LINGO2: variants seen among roughly 807,000 people sequenced by gnomAD.
LINGO2 encodes the protein leucine rich repeat and Ig domain containing 2.
Under a neutral mutation model 30.6 loss-of-function variants are expected in LINGO2, and 14 were observed. That is an observed-to-expected ratio of 0.46 (90% CI 0.30 to 0.72). LINGO2 has a LOEUF of 0.72. Among genes scored for constraint, LINGO2 ranks in the 30% least tolerant of loss-of-function variants. The pLI, the probability that LINGO2 is intolerant of heterozygous loss-of-function variation, is 0.07. For missense variants in LINGO2, 729 were observed against 751.7 expected, an observed-to-expected ratio of 0.97 and a Z score of 0.35; for synonymous variants, 317 against 288.5, an observed-to-expected ratio of 1.10 and a Z score of -1.00.
the LINGO2 span, among the ~76,000 whole-genome samples, chr9:28,816,581 A>G: frequency 6.6e-6 from 1 of 152,204 alleles, no homozygotes; most frequent in Non-Finnish European, 1.5e-5. Context: ...GAACAACTAT[A>G]ATAACCATCT....
At chr9:29,134,335 A>T in the LINGO2 span, among the ~76,000 whole-genome samples, 2 of 152,190 alleles carry the variant, frequency 1.3e-5, no homozygotes, top group East Asian at 3.8e-4. Flanking sequence ...CTCACACATT[A>T]TAATTACTTG....
At chr9:28,729,953 C>G in the LINGO2 span, among the ~76,000 whole-genome samples, 1 of 151,750 alleles carries the variant, frequency 6.6e-6, no homozygotes, top group African/African-American at 2.4e-5. Context: ...TGAAGGGAAA[C>G]AGGGTCACAT....
At chr9:28,801,428 G>T in the LINGO2 span, among the ~76,000 whole-genome samples, 1 of 152,062 alleles carries the variant, frequency 6.6e-6, no homozygotes, top group Non-Finnish European at 1.5e-5. Context: ...TAATTTTAAA[G>T]ATTCTGTTCC....
intron 4 of LINGO2, among the ~76,000 whole-genome samples, chr9:28,183,732 T>A (rs1182008424): frequency 6.6e-6 from 1 of 152,180 alleles, no homozygotes; most frequent in Non-Finnish European, 1.5e-5. Flanking sequence ...CTGAAAGGAA[T>A]TATACAGGCT....
At chr9:28,077,609 A>G (rs1356426597) in intron 4 of LINGO2, among the ~76,000 whole-genome samples, 1 of 149,870 alleles carries the variant, frequency 6.7e-6, no homozygotes. Flanking sequence ...CTCTCAGGCT[A>G]TGAAGGCAAT....
At chr9:28,439,308 T>A (rs1406405678) in intron 2 of LINGO2, among the ~76,000 whole-genome samples, 1 of 151,826 alleles carries the variant, frequency 6.6e-6, no homozygotes, top group African/African-American at 2.4e-5. Flanking sequence ...ATATATATAA[T>A]GAAAATGCCC....
At chr9:29,057,228 T>C in the LINGO2 span, among the ~76,000 whole-genome samples, 1 of 152,152 alleles carries the variant, frequency 6.6e-6, no homozygotes. Flanking sequence ...TATCCATCCA[T>C]GAGCATGTTT....
intron 4 of LINGO2, among the ~76,000 whole-genome samples, chr9:28,215,764 CATAGTCACGGT>C (rs1353071336): frequency 1.3e-5 from 2 of 151,790 alleles, no homozygotes; most frequent in Non-Finnish European, 2.9e-5. Flanking sequence ...AAACACTCTT[CATAGTCACGGT>C]ATTGATTTCA....
At chr9:28,603,171 A>G (rs1483565178) in intron 1 of LINGO2, among the ~76,000 whole-genome samples, 1 of 152,086 alleles carries the variant, frequency 6.6e-6, no homozygotes, top group Non-Finnish European at 1.5e-5. Flanking sequence ...GAAGGACTTT[A>G]AACACCCTGA....
At chr9:28,308,313 A>G (rs1357414825) in intron 3 of LINGO2, among the ~76,000 whole-genome samples, 1 of 130,386 alleles carries the variant, frequency 7.7e-6, no homozygotes, top group Non-Finnish European at 1.7e-5. Flanking sequence ...CAAACCTGAG[A>G]AAAACAAGCA....
At chr9:28,796,410 T>C in the LINGO2 span, among the ~76,000 whole-genome samples, 1 of 152,102 alleles carries the variant, frequency 6.6e-6, no homozygotes, top group Admixed American at 6.5e-5. Context: ...AAAATTATTT[T>C]TTTAGGTGTC....
chr9:28,368,776 T>G (rs1347010743), intron 3 of LINGO2, among the ~76,000 whole-genome samples: 1 of 146,710 alleles, frequency 6.8e-6, no homozygotes, highest in East Asian at 2.1e-4. Flanking sequence ...TTTTGTATTT[T>G]TAGTGGAGAC....
At chr9:28,122,819 T>A (rs1020473816) in intron 4 of LINGO2, among the ~76,000 whole-genome samples, 1 of 152,216 alleles carries the variant, frequency 6.6e-6, no homozygotes, top group Non-Finnish European at 1.5e-5. Flanking sequence ...GAGAGCTTTA[T>A]GTTTTTAAGT....
chr9:28,089,859 C>A (rs1029887207), intron 4 of LINGO2, among the ~76,000 whole-genome samples: 1 of 151,974 alleles, frequency 6.6e-6, no homozygotes, highest in African/African-American at 2.4e-5. Context: ...CAAATAGATG[C>A]AATAAAAAAT....
At chr9:28,682,451 G>C in the LINGO2 span, among the ~76,000 whole-genome samples, 1 of 152,076 alleles carries the variant, frequency 6.6e-6, no homozygotes, top group African/African-American at 2.4e-5. Flanking sequence ...TTTTGTACAG[G>C]TTATCTTTTA....
the LINGO2 span, among the ~76,000 whole-genome samples, chr9:28,691,960 G>A: frequency 6.6e-6 from 1 of 152,054 alleles, no homozygotes. Context: ...TCAAAGCAGA[G>A]ACAGCTAGTA....
chr9:28,438,606 A>C (rs140170040), intron 2 of LINGO2, among the ~76,000 whole-genome samples: 1 of 152,124 alleles, frequency 6.6e-6, no homozygotes, highest in African/African-American at 2.4e-5. Context: ...TTCTAGCGTA[A>C]ATTTCCTTTT....
the LINGO2 span, among the ~76,000 whole-genome samples, chr9:28,845,048 T>C: frequency 6.6e-6 from 1 of 151,912 alleles, no homozygotes; most frequent in African/African-American, 2.4e-5. Flanking sequence ...GGTGAGAGTT[T>C]ACATCAGAAA....
chr9:28,945,059 C>T, the LINGO2 span, among the ~76,000 whole-genome samples: 1 of 152,096 alleles, frequency 6.6e-6, no homozygotes, highest in Non-Finnish European at 1.5e-5. Context: ...TGTCATAAAA[C>T]AAAACCTTTC....
Sources: gnomAD v4.1 joint callset for allele counts (sites outside exome capture counted in the v4.1 genomes callset) on GRCh38, gnomAD v4.1.1 for gene constraint, MANE v1.5 for transcripts, NCBI Gene and HGNC (gene_info 2026-07-23, HGNC 2026-07-21) for gene names.